Variants in PSIP1 observed in about 807,000 individuals in gnomAD.
PSIP1 encodes the protein PC4 and SRSF1 interacting protein 1.
A neutral mutation model predicts 74.7 loss-of-function variants in PSIP1; 19 were observed. The ratio of observed to expected loss-of-function variants is 0.25; its 90% CI spans 0.18 to 0.37. PSIP1 has a LOEUF of 0.37. Ranked by LOEUF, PSIP1 falls within the 10% of genes least tolerant of loss-of-function variation. The probability of loss-of-function intolerance (pLI) is 1.00; values close to 1 mark genes in which losing one functional copy is unlikely to be tolerated. For missense variants in PSIP1, 601 were observed against 614.3 expected, an observed-to-expected ratio of 0.98 and a Z score of 0.23; for synonymous variants, 222 against 195.3, an observed-to-expected ratio of 1.14 and a Z score of -1.14.
At chr9:15,492,674 T>G (rs186931634) in intron 3 of PSIP1, among the ~76,000 whole-genome samples, 1 of 152,348 alleles carries the variant, frequency 6.6e-6, no homozygotes, top group East Asian at 1.9e-4. Context: ...GCACAGGTTC[T>G]CCACGAAGTC....
At chr9:15,499,636 G>A (rs1460497410) in intron 3 of PSIP1, among the ~76,000 whole-genome samples, 1 of 152,162 alleles carries the variant, frequency 6.6e-6, no homozygotes, top group African/African-American at 2.4e-5. Context: ...CACTTTAGGA[G>A]GCTGAGGTGG....
intron 6 of PSIP1, among the ~76,000 whole-genome samples, chr9:15,482,101 C>T (rs2036362011): frequency 6.6e-6 from 1 of 152,072 alleles, no homozygotes; most frequent in Admixed American, 6.6e-5. Context: ...CTACCAGCTT[C>T]CTTGATCTTA....
In PSIP1 at chr9:15,467,759, A is replaced by G. The variant is rs185222885; in HGVS notation, c.1420+871T>C. 1.3e-4 allele frequency among the ~76,000 whole-genome samples: 20 copies of G among 152,362 alleles called. No homozygotes were observed. In the South Asian group the frequency reaches 2.5e-3, roughly 19 times the overall value. Reference sequence around the variant, plus strand: ...GTACTAGCAGGATTTAACTACTGCTAAAGTTAGTGAAAAAAGTAGAAGCTA... The same window carrying G: ...GTACTAGCAGGATTTAACTACTGCTGAAGTTAGTGAAAAAAGTAGAAGCTA... On this transcript the variant is annotated intron_variant, in intron 14 of 15. Coordinates refer to ENST00000380733, the MANE Select transcript of PSIP1 (RefSeq NM_033222.5).
At chr9:15,481,217 T>C (rs1045830118) in intron 6 of PSIP1, among the ~76,000 whole-genome samples, 3 of 152,196 alleles carry the variant, frequency 2.0e-5, no homozygotes, top group African/African-American at 4.8e-5. Context: ...TTCTGTGTTT[T>C]TATAAAGCTC....
Position 15,466,841 on chromosome 9 carries a change from C to T in PSIP1, c.1439G>A (p.Gly480Glu). 1.2e-6 allele frequency: 2 copies of T among 1,612,648 alleles called. No homozygotes were observed. The highest frequency in any genetic ancestry group is 2.2e-5 in the South Asian group (2 of 90,712). The change falls in exon 15 of 16, where the codon GGA becomes GAA. Residue 480 changes from glycine (G) to glutamate (E), a missense_variant. Coordinates refer to ENST00000380733, the MANE Select transcript of PSIP1 (RefSeq NM_033222.5). The part of the protein sequence containing the change: ...KEQTGSKTLN[G>E]GSDAQDGNQP... ...ATTACCATCTTGAGCATCAGATCCT[C>T]CATTTAGAGTCTTTGACCCTTGCGA...
chr9:15,480,073 G>T (rs1421625796), intron 6 of PSIP1, among the ~76,000 whole-genome samples: 1 of 152,178 alleles, frequency 6.6e-6, no homozygotes, highest in African/African-American at 2.4e-5. Context: ...TCCTTTAGGA[G>T]TTATTCTTAT....
intron 3 of PSIP1, among the ~76,000 whole-genome samples, chr9:15,497,504 T>G (rs978840283): frequency 6.6e-6 from 1 of 152,048 alleles, no homozygotes; most frequent in Admixed American, 6.5e-5. Flanking sequence ...TTTTTATATT[T>G]TTAGTAGAGA....
rs911631912 is a variant in PSIP1 at position 15,510,277 on chromosome 9, G to A, written c.-89C>T. The A allele has an allele frequency of 6.8e-6, 8 of 1,183,262 alleles. No individual in the cohort carries two copies. The highest frequency in any genetic ancestry group is 2.4e-5 in the Admixed American group (1 of 41,842). The allele number at this position is 1,183,262 out of a possible 1,614,324, so 73.3% of individuals were successfully genotyped here. A position where few individuals can be genotyped will look rare whatever the true frequency, so the allele number is the denominator to read the frequency against. On this transcript the variant is annotated 5_prime_UTR_variant, in exon 2 of 16. Coordinates refer to ENST00000380733, the MANE Select transcript of PSIP1 (RefSeq NM_033222.5). The stretch of plus-strand genomic sequence containing the variant: ...GATGCGGGCGGCGGACGCGGGCCCA[G>A]CTACCGGGCCCGCGGGCGGGGGAGG...
rs1338103233 is a variant in PSIP1 at position 15,465,451 on chromosome 9, C to G, written c.*69G>C. Reference sequence around the variant, plus strand: ...TATGCTTATAAAAATTTAAAACTTTCAGCAGTCTATTTCAAATGAAAACCA... The same window carrying G: ...TATGCTTATAAAAATTTAAAACTTTGAGCAGTCTATTTCAAATGAAAACCA... On this transcript the variant is annotated 3_prime_UTR_variant, in exon 16 of 16. Coordinates refer to ENST00000380733, the MANE Select transcript of PSIP1 (RefSeq NM_033222.5). 2.2e-6 allele frequency: 3 copies of G among 1,338,886 alleles called. No homozygotes were observed. The highest frequency in any genetic ancestry group is 2.4e-5 in the East Asian group (1 of 42,294). 82.9% of individuals were successfully genotyped at this position (1,338,886 alleles called of 1,614,324 possible). A position where few individuals can be genotyped will look rare whatever the true frequency, so the allele number is the denominator to read the frequency against.
At chr9:15,469,897 C>T in intron 11 of PSIP1, 41 bp downstream of exon 11, 1 of 1,514,630 alleles carries the variant, frequency 6.6e-7, no homozygotes, top group Non-Finnish European at 9.1e-7. Context: ...ACTTCTTTTC[C>T]ATGTATAATT....
Position 15,464,341 on chromosome 9 carries a change from A to G in PSIP1, c.*1179T>C, listed in dbSNP as rs1477471893. On this transcript the variant is annotated 3_prime_UTR_variant, in exon 16 of 16. Coordinates refer to ENST00000380733, the MANE Select transcript of PSIP1 (RefSeq NM_033222.5). ...AAGCCATTTTTTTCCATATTCATATAATTTCAAAACATGAGAAGTATCCTA... is the reference window on the plus strand; with the variant it reads ...AAGCCATTTTTTTCCATATTCATATGATTTCAAAACATGAGAAGTATCCTA... The G allele has an allele frequency of 5.2e-6, 1 of 194,052 alleles. No individual in the cohort carries two copies. The highest frequency in any genetic ancestry group is 1.1e-5 in the Non-Finnish European group (1 of 93,084). 12.0% of individuals were successfully genotyped at this position (194,052 alleles called of 1,614,324 possible). A position where few individuals can be genotyped will look rare whatever the true frequency, so the allele number is the denominator to read the frequency against.
chr9:15,498,030 A>T (rs72706622), intron 3 of PSIP1, among the ~76,000 whole-genome samples: 4 of 152,184 alleles, frequency 2.6e-5, no homozygotes, highest in African/African-American at 9.7e-5. Context: ...GCCATTTTCC[A>T]TGTCAAATTT....
intron 3 of PSIP1, among the ~76,000 whole-genome samples, chr9:15,503,122 T>A (rs2037419770): frequency 6.6e-6 from 1 of 152,188 alleles, no homozygotes; most frequent in Admixed American, 6.5e-5. Context: ...ATCCCAGCAC[T>A]TTGGGAGGCC....
rs774530553 is a variant in PSIP1 at position 15,490,141 on chromosome 9, G to T, written c.150-17C>A. On this transcript the variant is annotated splice_polypyrimidine_tract_variant and intron_variant, in intron 3 of 15. Coordinates refer to ENST00000380733, the MANE Select transcript of PSIP1 (RefSeq NM_033222.5). ...AAAAAAGCACTAAAAAAGAAGTGGG[G>T]AAGATGTGAGTGCAAAGCAAGCTCA... 2.5e-5 allele frequency: 39 copies of T among 1,562,840 alleles called. 1 individual carries two copies. The South Asian group carries it at 4.3e-4, about 17-fold the overall frequency.
chr9:15,485,893 A>C, intron 6 of PSIP1, 113 bp downstream of exon 6: 1 of 907,530 alleles, frequency 1.1e-6, no homozygotes, highest in East Asian at 2.6e-5. Context: ...AAAAAATTAA[A>C]GGGTTTAGAA....
intron 15 of PSIP1, 152 bp downstream of exon 15, chr9:15,466,596 T>C: frequency 1.7e-6 from 1 of 590,924 alleles, no homozygotes; most frequent in South Asian, 2.9e-5. Context: ...TTTACTCTTC[T>C]TCCTTTTTGA....
chr9:15,497,058 T>C (rs900447068), intron 3 of PSIP1, among the ~76,000 whole-genome samples: 1 of 152,166 alleles, frequency 6.6e-6, no homozygotes, highest in Non-Finnish European at 1.5e-5. Context: ...ACCCAGGAAT[T>C]TTCTCCTAGA....
intron 10 of PSIP1, 31 bp from the exon 11 acceptor site, chr9:15,470,024 C>T: frequency 6.4e-7 from 1 of 1,562,364 alleles, no homozygotes; most frequent in Non-Finnish European, 8.8e-7. Context: ...TATTTCAACA[C>T]ATTGGAATTT....
At chr9:15,483,759 T>A (rs1431068386) in intron 6 of PSIP1, among the ~76,000 whole-genome samples, 2 of 152,138 alleles carry the variant, frequency 1.3e-5, no homozygotes, top group Non-Finnish European at 2.9e-5. Flanking sequence ...TTTGGGAGGC[T>A]AAGGAAGGCG....
Sources: gnomAD v4.1 joint callset for allele counts (sites outside exome capture counted in the v4.1 genomes callset) on GRCh38, gnomAD v4.1.1 for gene constraint, MANE v1.5 for transcripts, NCBI Gene and HGNC (gene_info 2026-07-23, HGNC 2026-07-21) for gene names.